Variants in NECAB1 observed in about 807,000 individuals in gnomAD.
The protein encoded by NECAB1 is N-terminal EF-hand calcium binding protein 1.
Under a neutral mutation model 57.5 loss-of-function variants are expected in NECAB1, and 29 were observed. The observed-to-expected ratio is 0.50, with a 90% CI of 0.38 to 0.69. The LOEUF (loss-of-function observed/expected upper bound fraction) is 0.69. Among genes scored for constraint, NECAB1 ranks in the 30% least tolerant of loss-of-function variants. The pLI is 0.00. For synonymous variants in NECAB1, 142 were observed against 147.7 expected (o/e 0.96, Z 0.28); for missense variants, 372 against 413.8 (o/e 0.90, Z 0.88).
chr8:90,792,954 G>T (rs539556241), intron 1 of NECAB1, among the ~76,000 whole-genome samples: 2 of 152,256 alleles, frequency 1.3e-5, no homozygotes, highest in South Asian at 4.2e-4. Context: ...GTCTATCTCA[G>T]TGGGGACAAT....
At chr8:90,924,701 C>T (rs1810216593) in intron 6 of NECAB1, among the ~76,000 whole-genome samples, 1 of 152,066 alleles carries the variant, frequency 6.6e-6, no homozygotes, top group Admixed American at 6.6e-5. Context: ...GTTCACATTC[C>T]AACCAGGAAA....
At chr8:90,906,876 CATATATAT>C (rs57808023) in intron 5 of NECAB1, among the ~76,000 whole-genome samples, 16 of 121,760 alleles carry the variant, frequency 1.3e-4, no homozygotes, top group South Asian at 8.1e-4. Flanking sequence ...ATGATATACA[CATATATAT>C]ATATATATAT....
chr8:90,873,798 A>C (rs1339202875), intron 4 of NECAB1, among the ~76,000 whole-genome samples: 1 of 152,178 alleles, frequency 6.6e-6, no homozygotes. Context: ...CCTTGAAAGT[A>C]CTTCAAGTTC....
At position 90,955,822 on chromosome 8, in the gene NECAB1, G is replaced by T; in HGVS notation, c.*310G>T. ...AGCATATGCATAAAGGAATAATATT[G>T]TGAAAATGAATCTGTTATGATAAAG... On this transcript the variant is annotated 3_prime_UTR_variant, in exon 13 of 13. Transcript: ENST00000417640. 3.8e-6 allele frequency: 1 copy of T among 261,490 alleles called. No homozygotes were observed. Among genetic ancestry groups the T allele is most frequent in the Non-Finnish European group, 7.2e-6 (1 of 139,790 alleles). The allele number at this position is 261,490 out of a possible 1,614,324, so 16.2% of individuals were successfully genotyped here.
chr8:90,840,375 C>A (rs1025493957), intron 3 of NECAB1, among the ~76,000 whole-genome samples: 2 of 152,206 alleles, frequency 1.3e-5, no homozygotes, highest in African/African-American at 4.8e-5. Context: ...CATAAGGAAC[C>A]TGAGCCACAG....
chr8:90,881,087 A>G lies in NECAB1; in HGVS notation c.314A>G (p.Asp105Gly). 6.2e-7 allele frequency: 1 copy of G among 1,607,882 alleles called. No homozygotes were observed. The highest frequency in any genetic ancestry group is 8.5e-7 in the Non-Finnish European group (1 of 1,177,006). The change falls in exon 5 of 13, where the codon GAC (aspartate) becomes GGC (glycine). Residue 105 changes from aspartate to glycine, a missense_variant. Transcript: ENST00000417640. Reference sequence around the variant, plus strand: ...GAGAATGTACTAGCAGCACTTGAAGACCTGAATCTTTCCATCCTGAAGGCA... The same window carrying G: ...GAGAATGTACTAGCAGCACTTGAAGGCCTGAATCTTTCCATCCTGAAGGCA... ...EYENVLAALEDLNLSILKAMG... is the reference protein window; with the variant it reads ...EYENVLAALEGLNLSILKAMG...
chr8:90,880,991 T>C, intron 4 of NECAB1, 42 bp from the exon 5 acceptor site: 1 of 1,452,862 alleles, frequency 6.9e-7, no homozygotes, highest in Non-Finnish European at 9.4e-7. Context: ...TATGGTTACC[T>C]AAACTCAAAT....
chr8:90,954,078 A>G (rs902538297), intron 12 of NECAB1, among the ~76,000 whole-genome samples: 3 of 147,210 alleles, frequency 2.0e-5, no homozygotes, highest in African/African-American at 5.0e-5. Context: ...AAATAAATAA[A>G]TAAATAAATA....
chr8:90,876,174 C>A (rs540145070), intron 4 of NECAB1, among the ~76,000 whole-genome samples: 248 of 152,252 alleles, frequency 1.6e-3, no homozygotes, highest in African/African-American at 5.8e-3. Context: ...TGCTCAGAGA[C>A]CTGTGCCAGC....
At chr8:90,853,121 T>C (rs913992476) in intron 3 of NECAB1, among the ~76,000 whole-genome samples, 1 of 152,244 alleles carries the variant, frequency 6.6e-6, no homozygotes, top group African/African-American at 2.4e-5. Context: ...CTTCTGCTGG[T>C]GCGCAAAGCA....
intron 3 of NECAB1, among the ~76,000 whole-genome samples, chr8:90,870,249 A>G (rs577833941): frequency 1.3e-5 from 2 of 152,308 alleles, no homozygotes; most frequent in South Asian, 4.1e-4. Flanking sequence ...AGTTCTTTAT[A>G]GCAATGTGAG....
At chr8:90,801,580 T>C in intron 1 of NECAB1, 111 bp from the exon 2 acceptor site, 1 of 742,050 alleles carries the variant, frequency 1.3e-6, no homozygotes, top group Non-Finnish European at 2.2e-6. Context: ...AAACGCTTAC[T>C]TAAAATTAGA....
In NECAB1 at chr8:90,904,383, TAGG is replaced by T. The variant is rs371638942; in HGVS notation, c.358-13106_358-13104del. Among the ~76,000 whole-genome samples the T allele has an allele frequency of 7.6e-4, 115 of 151,510 alleles. No homozygotes were observed. In the East Asian group the frequency reaches 0.013, roughly 17 times the overall value. ...ATATAAATATATGTGGGATTAAAAA[TAGG>T]AGAAATGAGCAAGATATAAAAAAGA... On this transcript the variant is annotated intron_variant, in intron 5 of 12. Transcript: ENST00000417640.
intron 6 of NECAB1, among the ~76,000 whole-genome samples, chr8:90,925,242 G>A (rs1273169569): frequency 6.6e-6 from 1 of 151,766 alleles, no homozygotes; most frequent in African/African-American, 2.4e-5. Flanking sequence ...TACAATAGCT[G>A]CATACACGTT....
chr8:90,958,978 C>T lies in NECAB1; in HGVS notation c.*3466C>T. The T allele has an allele frequency of 7.2e-7, 1 of 1,382,926 alleles. No homozygotes were observed. Among genetic ancestry groups the T allele is most frequent in the South Asian group, 1.3e-5 (1 of 74,250 alleles). 85.7% of individuals were successfully genotyped at this position (1,382,926 alleles called of 1,614,324 possible). On this transcript the variant is annotated 3_prime_UTR_variant, in exon 13 of 13. Coordinates refer to ENST00000417640, the MANE Select transcript of NECAB1 (RefSeq NM_022351.5). The stretch of plus-strand genomic sequence containing the variant: ...TAGATCCACCTCATTTGCAGATGTC[C>T]AAACTTAAATTCATCTGTTCTTAAA...
intron 4 of NECAB1, among the ~76,000 whole-genome samples, chr8:90,875,373 C>T (rs1421771488): frequency 2.0e-5 from 3 of 146,772 alleles, no homozygotes; most frequent in South Asian, 2.2e-4. Flanking sequence ...CCCAGCTACT[C>T]GGGAGGCTGA....
At chr8:90,862,327 G>C (rs1217265588) in intron 3 of NECAB1, among the ~76,000 whole-genome samples, 1 of 152,098 alleles carries the variant, frequency 6.6e-6, no homozygotes, top group Non-Finnish European at 1.5e-5. Context: ...GTGTGGCTAG[G>C]TAATGAAGTG....
At chr8:90,817,361 G>A (rs1241570138) in intron 2 of NECAB1, among the ~76,000 whole-genome samples, 1 of 151,454 alleles carries the variant, frequency 6.6e-6, no homozygotes, top group East Asian at 1.9e-4. Flanking sequence ...TATTCAATAG[G>A]ATTGGTGAAA....
Position 90,822,869 on chromosome 8 carries a change from T to A in NECAB1, c.125-1848T>A, listed in dbSNP as rs576100826. The stretch of plus-strand genomic sequence containing the variant: ...TTCTGTTTTTTCTTTTTTCTTTATT[T>A]TTTTTTTTAAACAGTACATGAAAAG... On this transcript the variant is annotated intron_variant, in intron 2 of 12. Transcript: ENST00000417640. Among the ~76,000 whole-genome samples the A allele has an allele frequency of 1.7e-4, 20 of 120,432 alleles. No individual in the cohort carries two copies. In the South Asian group the frequency reaches 3.1e-3, roughly 19 times the overall value. The allele number at this position is 120,432 out of a possible 152,430, so 79.0% of individuals were successfully genotyped here.
Sources: allele counts gnomAD v4.1 joint callset (sites outside exome capture counted in the v4.1 genomes callset), GRCh38; gene constraint gnomAD v4.1.1; transcripts MANE v1.5; gene names NCBI Gene and HGNC (gene_info 2026-07-23, HGNC 2026-07-21).